The following PTPN12 variants were observed in gnomAD, a reference collection of about 807,000 sequenced individuals.
The protein encoded by PTPN12 is protein tyrosine phosphatase non-receptor type 12.
A neutral mutation model predicts 97.6 loss-of-function variants in PTPN12; 29 were observed. That is an observed-to-expected ratio of 0.30 (90% CI 0.22 to 0.41). The LOEUF is 0.41. Among genes scored for constraint, PTPN12 ranks in the 10% least tolerant of loss-of-function variants. The probability of loss-of-function intolerance (pLI) is 1.00; values close to 1 mark genes in which losing one functional copy is unlikely to be tolerated. For synonymous variants in PTPN12, 327 were observed against 300.4 expected (o/e 1.09, Z -0.91); for missense variants, 819 against 926.0 (o/e 0.88, Z 1.50).
At chr7:77,553,965 T>G (rs1464918943) in intron 1 of PTPN12, among the ~76,000 whole-genome samples, 2 of 152,124 alleles carry the variant, frequency 1.3e-5, no homozygotes, top group African/African-American at 4.8e-5. Context: ...TTACTTTTTT[T>G]GTTTTTGGTC....
intron 1 of PTPN12, among the ~76,000 whole-genome samples, chr7:77,559,026 A>G (rs1052910049): frequency 1.3e-5 from 2 of 152,300 alleles, no homozygotes; most frequent in Non-Finnish European, 2.9e-5. Context: ...AAAAACAAAA[A>G]TAAAAAATAA....
At chr7:77,538,619 A>G (rs930849764) in intron 1 of PTPN12, 1 of 151,804 alleles carries the variant, frequency 6.6e-6, no homozygotes, top group African/African-American at 2.4e-5. Context: ...AGTCTTGTTC[A>G]TGAAATTGCT....
At chr7:77,607,744 GC>G (rs537643306) in intron 9 of PTPN12, among the ~76,000 whole-genome samples, 1 of 150,394 alleles carries the variant, frequency 6.6e-6, no homozygotes, top group South Asian at 2.1e-4. Flanking sequence ...AATTTTCATT[GC>G]CTTTTTTTTT....
Position 77,635,813 on chromosome 7 carries a change from T to G in PTPN12, c.2106T>G (p.Leu702=). The part of the protein sequence containing the change: ...NTPVRSEWSE[L]QSQERSEQKK... ...CTGTAAGATCGGAATGGAGTGAACT[T>G]CAAAGTCAGGAACGATCTGAACAAA... The change falls in exon 15 of 18, where the codon CTT becomes CTG. Residue 702 remains leucine (L), a synonymous_variant. Coordinates refer to ENST00000248594, the MANE Select transcript of PTPN12 (RefSeq NM_002835.4). 1 of 1,608,778 alleles carries G rather than the reference T, an allele frequency of 6.2e-7. No individual in the cohort carries two copies. Among genetic ancestry groups the G allele is most frequent in the East Asian group, 2.2e-5 (1 of 44,614 alleles).
chr7:77,597,689 T>G (rs924174930), intron 6 of PTPN12, among the ~76,000 whole-genome samples, 153 bp from the exon 7 acceptor site: 51 of 152,338 alleles, frequency 3.3e-4, no homozygotes, highest in African/African-American at 1.1e-3. Flanking sequence ...AAATGTTTGA[T>G]GACTTTTAGA....
chr7:77,566,007 A>G (rs1808240630), intron 1 of PTPN12, among the ~76,000 whole-genome samples: 1 of 152,228 alleles, frequency 6.6e-6, no homozygotes, highest in Non-Finnish European at 1.5e-5. Context: ...CACAAGTGGC[A>G]ATAGAACAAT....
chr7:77,617,111 C>T (rs1204770544), intron 11 of PTPN12, among the ~76,000 whole-genome samples: 1 of 152,102 alleles, frequency 6.6e-6, no homozygotes, highest in Non-Finnish European at 1.5e-5. Flanking sequence ...TGCAGAGTCT[C>T]TAAATTCTGG....
At chr7:77,614,513 G>T (rs1307728135) in intron 11 of PTPN12, among the ~76,000 whole-genome samples, 2 of 152,098 alleles carry the variant, frequency 1.3e-5, no homozygotes, top group African/African-American at 4.8e-5. Context: ...ATGGTACATA[G>T]TAGACATAAA....
At chr7:77,549,265 GA>G (rs1265896337) in intron 1 of PTPN12, among the ~76,000 whole-genome samples, 1 of 151,642 alleles carries the variant, frequency 6.6e-6, no homozygotes, top group African/African-American at 2.4e-5. Context: ...AAGCAAAATT[GA>G]AAAAAAATTT....
chr7:77,610,240 TA>T (rs1208223052), intron 9 of PTPN12, among the ~76,000 whole-genome samples: 2 of 152,236 alleles, frequency 1.3e-5, no homozygotes, highest in Non-Finnish European at 2.9e-5. Context: ...CTGGTCCTTA[TA>T]TAGCCAATCC....
intron 11 of PTPN12, among the ~76,000 whole-genome samples, chr7:77,614,506 G>A (rs1788684013): frequency 6.6e-6 from 1 of 152,026 alleles, no homozygotes; most frequent in Non-Finnish European, 1.5e-5. Flanking sequence ...TCATTGCATG[G>A]TACATAGTAG....
At chr7:77,571,298 A>G (rs41279848) in intron 2 of PTPN12, 112 bp downstream of exon 2, 29 of 648,770 alleles carry the variant, frequency 4.5e-5, no homozygotes, top group Non-Finnish European at 6.6e-5. Flanking sequence ...TAATTAACCT[A>G]TCTTTCAAAG....
Position 77,632,285 on chromosome 7 carries a change from A to C in PTPN12, c.1997-63A>C, listed in dbSNP as rs1789424579. The C allele has an allele frequency of 7.3e-6, 9 of 1,228,054 alleles. No homozygotes were observed. In the South Asian group the frequency reaches 1.1e-4, roughly 15 times the overall value. 76.1% of individuals were successfully genotyped at this position (1,228,054 alleles called of 1,614,324 possible). A position where few individuals can be genotyped will look rare whatever the true frequency, so the allele number is the denominator to read the frequency against. ...GACAGGAATTTTTAGAATGTCAAGA[A>C]AGCTCTCTGATTTTGTTTAGATGAC... On this transcript the variant is annotated intron_variant, in intron 13 of 17. Transcript: ENST00000248594.
chr7:77,561,076 GTTTTGTT>G (rs879315600), intron 1 of PTPN12, among the ~76,000 whole-genome samples: 120 of 152,110 alleles, frequency 7.9e-4, no homozygotes, highest in African/African-American at 1.5e-3. Flanking sequence ...GGCTTGTTTT[GTTTTGTT>G]TTTTGTTTTT....
At chr7:77,538,721 A>AC (rs1190297083) in intron 1 of PTPN12, 1 of 151,458 alleles carries the variant, frequency 6.6e-6, no homozygotes, top group African/African-American at 2.4e-5. Context: ...CACCCCCCCA[A>AC]CCCCCGCCCT....
chr7:77,595,192 T>C (rs1477126020), intron 6 of PTPN12, among the ~76,000 whole-genome samples: 3 of 152,222 alleles, frequency 2.0e-5, no homozygotes, highest in African/African-American at 4.8e-5. Flanking sequence ...TGAAGAAATA[T>C]TTTCTTTGAT....
intron 12 of PTPN12, among the ~76,000 whole-genome samples, chr7:77,621,124 T>A (rs1339523692): frequency 6.6e-6 from 1 of 151,990 alleles, no homozygotes; most frequent in Non-Finnish European, 1.5e-5. Flanking sequence ...ATTTATTTAC[T>A]TTTTAAACGT....
intron 5 of PTPN12, among the ~76,000 whole-genome samples, chr7:77,585,890 T>C (rs1787674675): frequency 6.6e-6 from 1 of 152,222 alleles, no homozygotes; most frequent in Admixed American, 6.5e-5. Flanking sequence ...GTCATATTTA[T>C]ACTGTATTAT....
intron 11 of PTPN12, among the ~76,000 whole-genome samples, chr7:77,617,310 G>A (rs904027155): frequency 1.3e-5 from 2 of 152,118 alleles, no homozygotes; most frequent in African/African-American, 4.8e-5. Flanking sequence ...CAAATGCCTC[G>A]ATTTTGGTGG....
Sources: gnomAD v4.1 joint callset for allele counts (sites outside exome capture counted in the v4.1 genomes callset) on GRCh38, gnomAD v4.1.1 for gene constraint, MANE v1.5 for transcripts, NCBI Gene and HGNC (gene_info 2026-07-23, HGNC 2026-07-21) for gene names.